DDX4: variants seen among roughly 807,000 people sequenced by gnomAD.
The protein encoded by DDX4 is DEAD-box helicase 4.
In DDX4, 25 loss-of-function variants were observed where a neutral mutation model predicts 100.0. The observed-to-expected ratio is 0.25, with a 90% CI of 0.18 to 0.35. The LOEUF (loss-of-function observed/expected upper bound fraction) is 0.35, where lower values mean the gene tolerates loss of function less well. Among genes scored for constraint, DDX4 ranks in the 10% least tolerant of loss-of-function variants. The probability of loss-of-function intolerance (pLI) is 1.00; values close to 1 mark genes in which losing one functional copy is unlikely to be tolerated. For synonymous variants in DDX4, 259 were observed against 275.7 expected (o/e 0.94, Z 0.60); for missense variants, 635 against 882.4 (o/e 0.72, Z 3.55).
intron 13 of DDX4, 21 bp downstream of exon 13, chr5:55,785,892 T>G: frequency 6.4e-7 from 1 of 1,568,422 alleles, no homozygotes; most frequent in South Asian, 1.1e-5. Context: ...TAATTGTTTC[T>G]GTATTAGCTA....
At chr5:55,757,826 T>C (rs1760031979) in intron 3 of DDX4, among the ~76,000 whole-genome samples, 1 of 152,116 alleles carries the variant, frequency 6.6e-6, no homozygotes. Context: ...GGTGGATTAC[T>C]TAAGGCCAGG....
intron 1 of DDX4, 81 bp from the exon 2 acceptor site, chr5:55,738,869 G>A: frequency 1.1e-6 from 1 of 871,346 alleles, no homozygotes; most frequent in South Asian, 1.5e-5. Context: ...AGATGTATGT[G>A]AAACAATGAG....
intron 4 of DDX4, among the ~76,000 whole-genome samples, chr5:55,762,899 T>A (rs1580536088): frequency 6.6e-6 from 1 of 152,234 alleles, no homozygotes; most frequent in Middle Eastern, 3.4e-3. Context: ...TATAGAAAAC[T>A]ATGGAGCAGA....
chr5:55,749,288 TG>T (rs1759412587), intron 3 of DDX4, among the ~76,000 whole-genome samples: 1 of 152,124 alleles, frequency 6.6e-6, no homozygotes, highest in Admixed American at 6.5e-5. Context: ...AAAAATTAGC[TG>T]GGCGTGGTGA....
At position 55,753,490 on chromosome 5, in the gene DDX4, T is replaced by C. The variant is rs554826816; in HGVS notation, c.128-6710T>C. ...AAAGATCAGATAGTTGTAGATATGC[T>C]GCGTTATTTCTGAGGGCTCTGTTCT... On this transcript the variant is annotated intron_variant, in intron 3 of 21. Transcript: ENST00000505374. 1.9e-4 allele frequency among the ~76,000 whole-genome samples: 29 copies of C among 152,170 alleles called. No homozygotes were observed. In the South Asian group the frequency reaches 2.1e-3, roughly 11 times the overall value.
chr5:55,740,520 T>C (rs1237570726), intron 2 of DDX4, among the ~76,000 whole-genome samples: 2 of 151,506 alleles, frequency 1.3e-5, no homozygotes, highest in East Asian at 3.9e-4. Flanking sequence ...TTTTTTTTTT[T>C]TTTGAGATGG....
intron 3 of DDX4, 51 bp downstream of exon 3, chr5:55,746,272 C>T: frequency 6.6e-7 from 1 of 1,514,754 alleles, no homozygotes; most frequent in South Asian, 1.2e-5. Context: ...AGGGTTTCAT[C>T]TAGTGAATGA....
intron 21 of DDX4, among the ~76,000 whole-genome samples, chr5:55,815,945 T>TTG (rs938437083): frequency 4.0e-5 from 6 of 148,612 alleles, no homozygotes; most frequent in Admixed American, 4.0e-4. Context: ...TGGTTTTTTT[T>TTG]TTTTTTTTTT....
intron 18 of DDX4, among the ~76,000 whole-genome samples, chr5:55,803,497 C>G (rs1365791042): frequency 1.8e-5 from 2 of 113,686 alleles, no homozygotes; most frequent in South Asian, 6.8e-4. Flanking sequence ...CACAACAGTC[C>G]CCAGAGTGTG....
At chr5:55,794,707 G>A (rs1742813262) in intron 17 of DDX4, among the ~76,000 whole-genome samples, 1 of 152,092 alleles carries the variant, frequency 6.6e-6, no homozygotes, top group Admixed American at 6.6e-5. Flanking sequence ...TATAAGCTCT[G>A]GGGATATATG....
chr5:55,806,503 C>T (rs562634623), intron 18 of DDX4, among the ~76,000 whole-genome samples: 1 of 152,240 alleles, frequency 6.6e-6, no homozygotes, highest in African/African-American at 2.4e-5. Flanking sequence ...TGAATGTCTC[C>T]CAGAAATTCT....
chr5:55,739,496 G>A (rs938612315), intron 2 of DDX4, among the ~76,000 whole-genome samples: 2 of 152,132 alleles, frequency 1.3e-5, no homozygotes, highest in African/African-American at 4.8e-5. Flanking sequence ...TTTTCTTAAT[G>A]GCATTTGGGG....
intron 4 of DDX4, among the ~76,000 whole-genome samples, chr5:55,762,569 G>A (rs1453002716): frequency 6.6e-6 from 1 of 152,160 alleles, no homozygotes; most frequent in Non-Finnish European, 1.5e-5. Context: ...AGTTGACAGT[G>A]TGGAGTATTG....
rs1219203748 is a variant in DDX4 at position 55,744,618 on chromosome 5, C to T, written c.70-1546C>T. ...TTTCTAAATCTGGCAGTCATTCTAC[C>T]ACTGCTAATGTAATGCATGTGTGTT... On this transcript the variant is annotated intron_variant, in intron 2 of 21. Transcript: ENST00000505374. Among the ~76,000 whole-genome samples the T allele has an allele frequency of 1.3e-5, 2 of 152,154 alleles. 1 individual carries two copies. The highest frequency in any genetic ancestry group is 4.1e-4 in the South Asian group (2 of 4,824).
intron 16 of DDX4, 31 bp downstream of exon 16, chr5:55,790,736 G>A (rs1189132856): frequency 6.2e-7 from 1 of 1,603,232 alleles, no homozygotes; most frequent in African/African-American, 1.3e-5. Flanking sequence ...GAAGTTGTGA[G>A]ATTGATACTT....
intron 18 of DDX4, among the ~76,000 whole-genome samples, chr5:55,804,012 T>G (rs1003738695): frequency 1.3e-4 from 19 of 150,810 alleles, no homozygotes; most frequent in African/African-American, 4.1e-4. Context: ...ATGATTGCCA[T>G]TCTAACTGGT....
intron 13 of DDX4, 116 bp downstream of exon 13, chr5:55,785,987 CT>C: frequency 1.6e-6 from 1 of 631,758 alleles, no homozygotes; most frequent in Non-Finnish European, 2.7e-6. Flanking sequence ...TATATAAGGT[CT>C]TAGGTTGGAA....
chr5:55,785,855 C>T lies in DDX4; in HGVS notation c.848C>T (p.Ala283Val), dbSNP rs1159348639. Residue 283 changes from alanine to valine, a missense_variant, in exon 13 of 22, where the codon GCA (alanine) becomes GTA (valine). Physicochemically the swap from Ala to Val is moderately conservative, Grantham distance 64 (BLOSUM62 0). Around this residue, in one of 4 missense-constraint regions of DDX4, gnomAD observed 446 missense variants for 540.8 expected, o/e 0.82. Coordinates refer to ENST00000505374, the MANE Select transcript of DDX4 (RefSeq NM_024415.3). Reference sequence around the variant, plus strand: ...CTTGTGGAAGTGTCTGGACATGATGCACCACCAGCAATTCTGGTCAGTGTA... The same window carrying T: ...CTTGTGGAAGTGTCTGGACATGATGTACCACCAGCAATTCTGGTCAGTGTA... ...TILVEVSGHD[A>V]PPAILTFEEA... 6.2e-7 allele frequency: 1 copy of T among 1,608,910 alleles called. No individual in the cohort carries two copies. Among genetic ancestry groups the T allele is most frequent in the Non-Finnish European group, 8.5e-7 (1 of 1,175,548 alleles).
Position 55,809,030 on chromosome 5 carries a change from C to T in DDX4, c.1616-4643C>T, listed in dbSNP as rs376304412. On this transcript the variant is annotated intron_variant, in intron 18 of 21. Transcript: ENST00000505374. ...CTAGGCAATGGCAGGTGCCCCTCCC[C>T]TAGCTTCGCTGCTGCCTTGCAGTTT... Among the ~76,000 whole-genome samples the T allele has an allele frequency of 4.4e-4, 67 of 152,366 alleles. No homozygotes were observed. The East Asian group carries it at 0.013, about 29-fold the overall frequency.
Sources: allele counts gnomAD v4.1 joint callset (sites outside exome capture counted in the v4.1 genomes callset), GRCh38; gene constraint gnomAD v4.1.1; regional missense constraint gnomAD v4.1.1; transcripts MANE v1.5; gene names NCBI Gene and HGNC (gene_info 2026-07-23, HGNC 2026-07-21).